Variants in NINL observed in about 807,000 individuals in gnomAD.
NINL encodes ninein like.
Under a neutral mutation model 160.3 loss-of-function variants are expected in NINL, and 153 were observed. The ratio of observed to expected loss-of-function variants is 0.95; its 90% confidence interval spans 0.84 to 1.09. NINL has a LOEUF of 1.09. NINL is among the 50% of genes least tolerant of loss of function. The probability of loss-of-function intolerance (pLI) is 0.00; values close to 1 mark genes in which losing one functional copy is unlikely to be tolerated. For synonymous variants in NINL, 800 were observed against 734.8 expected (o/e 1.09, Z -1.43); for missense variants, 1,829 against 1,764.0 (o/e 1.04, Z -0.66).
intron 2 of NINL, 111 bp from the exon 3 acceptor site, chr20:25,517,960 T>C: frequency 1.8e-6 from 1 of 571,200 alleles, no homozygotes; most frequent in Non-Finnish European, 3.0e-6. Flanking sequence ...TACTGCCTTT[T>C]AGAATGAGAA....
chr20:25,472,048 G>A (rs1041069727), intron 17 of NINL, among the ~76,000 whole-genome samples: 1 of 151,954 alleles, frequency 6.6e-6, no homozygotes, highest in Non-Finnish European at 1.5e-5. Flanking sequence ...CAATGAACAA[G>A]CAACAAGAAA....
At chr20:25,523,815 A>AT (rs2064306723) in intron 2 of NINL, among the ~76,000 whole-genome samples, 1 of 151,298 alleles carries the variant, frequency 6.6e-6, no homozygotes, top group Non-Finnish European at 1.5e-5. Context: ...CTAATTTTGT[A>AT]TTTTTATTAG....
intron 16 of NINL, among the ~76,000 whole-genome samples, chr20:25,477,672 C>T (rs1229483055): frequency 1.3e-5 from 2 of 152,160 alleles, no homozygotes; most frequent in Non-Finnish European, 2.9e-5. Flanking sequence ...GGAGGGCCTC[C>T]ACCTCCAAGC....
At chr20:25,493,460 C>T (rs1408953056) in intron 10 of NINL, among the ~76,000 whole-genome samples, 2 of 152,092 alleles carry the variant, frequency 1.3e-5, no homozygotes, top group East Asian at 1.9e-4. Flanking sequence ...AAGGAGGGGG[C>T]GTCCAGGGAG....
rs1291308921 is a variant in NINL, at chr20:25,458,393, T to C, written c.3833A>G (p.Asp1278Gly). 1.2e-6 allele frequency: 2 copies of C among 1,606,502 alleles called. No homozygotes were observed. The highest frequency in any genetic ancestry group is 3.3e-5 in the Admixed American group (2 of 60,012). Residue 1278 changes from aspartate (D) to glycine (G), a missense_variant, in exon 22 of 24, where the codon GAT (aspartate) becomes GGT (glycine). Transcript: ENST00000278886. ...TGCATCCCCACTTACCCGCTGTGCA[T>C]CCAGGCGCCTCCTGGCCTGCTCTCC... ...LQGEQARRRL[D>G]AQREEHEKQL...
rs10536325 is a variant in NINL, at chr20:25,571,867, G to GA, written c.-12+13587dup. Reference sequence around the variant, plus strand: ...TGGTCAAGAGAGTGAGACTCTGTCTGAAAAAAAAAAAAAAAAAAAAAAAAA... The same window carrying GA: ...TGGTCAAGAGAGTGAGACTCTGTCTGAAAAAAAAAAAAAAAAAAAAAAAAAA... On this transcript the variant is annotated intron_variant, in intron 1 of 23. Transcript: ENST00000278886. Among the ~76,000 whole-genome samples the GA allele has an allele frequency of 8.3e-3, 346 of 41,562 alleles. 20 individuals carry two copies. Among genetic ancestry groups the GA allele is most frequent in the African/African-American group, 0.022 (277 of 12,726 alleles). 27.3% of individuals were successfully genotyped at this position (41,562 alleles called of 152,430 possible). A position where few individuals can be genotyped will look rare whatever the true frequency, so the allele number is the denominator to read the frequency against.
intron 1 of NINL, among the ~76,000 whole-genome samples, chr20:25,563,466 T>C (rs890489246): frequency 7.9e-5 from 12 of 152,166 alleles, no homozygotes; most frequent in African/African-American, 9.7e-5. Context: ...CTGAGAAACA[T>C]TCAAGAAATC....
intron 10 of NINL, among the ~76,000 whole-genome samples, chr20:25,495,188 A>C (rs560020418): frequency 2.0e-5 from 3 of 152,272 alleles, no homozygotes; most frequent in African/African-American, 7.2e-5. Context: ...GGTTCACGAC[A>C]AAGATGCTCA....
At chr20:25,560,840 T>C (rs532392096) in intron 1 of NINL, among the ~76,000 whole-genome samples, 5 of 151,922 alleles carry the variant, frequency 3.3e-5, no homozygotes, top group Admixed American at 2.0e-4. Flanking sequence ...ACAACAAAGA[T>C]AGTAAAAATA....
At chr20:25,453,991 G>A (rs1046096140) in intron 23 of NINL, among the ~76,000 whole-genome samples, 11 of 152,088 alleles carry the variant, frequency 7.2e-5, no homozygotes, top group Admixed American at 2.6e-4. Flanking sequence ...GGTGGAGCTT[G>A]CAGTGAGCAG....
At chr20:25,455,939 T>C (rs1026889795) in intron 22 of NINL, among the ~76,000 whole-genome samples, 153 bp from the exon 23 acceptor site, 8 of 150,340 alleles carry the variant, frequency 5.3e-5, no homozygotes, top group Admixed American at 1.3e-4. Flanking sequence ...CTAAAAAAAA[T>C]AGAAAAATTA....
intron 15 of NINL, 24 bp from the exon 16 acceptor site, chr20:25,479,230 G>A (rs746988834): frequency 1.4e-5 from 22 of 1,580,874 alleles, no homozygotes; most frequent in African/African-American, 8.1e-5. Flanking sequence ...CATGAGCCCC[G>A]TGGACCAGGA....
At chr20:25,499,335 G>T (rs901508949) in intron 8 of NINL, 1 of 692,708 alleles carries the variant, frequency 1.4e-6, no homozygotes, top group African/African-American at 1.9e-5. Context: ...GGCAGAATTT[G>T]GCAATAATCT....
intron 21 of NINL, 42 bp downstream of exon 21, chr20:25,461,480 G>T: frequency 8.3e-7 from 1 of 1,209,446 alleles, no homozygotes; most frequent in Non-Finnish European, 1.2e-6. Context: ...CTGCTCCCAG[G>T]TGGGACTGGA....
chr20:25,469,999 A>G lies in NINL; in HGVS notation c.3345T>C (p.Asp1115=). The change falls in exon 18 of 24, where the codon GAT becomes GAC. Residue 1115 remains aspartate (D), a synonymous_variant. Coordinates refer to ENST00000278886, the MANE Select transcript of NINL (RefSeq NM_025176.6). ...QELEAAESTH[D]AQRKEIEVLK... is the part of the protein sequence containing the mutation. ...AGGGGCGTGGCCCTTACCTCTGTGC[A>G]TCGTGAGTACTTTCTGCAGCTTCAA... is the stretch of plus-strand genomic sequence containing the variant. 1 of 1,613,896 alleles carries G rather than the reference A, an allele frequency of 6.2e-7. No individual in the cohort carries two copies. The highest frequency in any genetic ancestry group is 8.5e-7 in the Non-Finnish European group (1 of 1,179,752).
At chr20:25,515,351 C>T (rs1263720790) in intron 3 of NINL, among the ~76,000 whole-genome samples, 3 of 152,228 alleles carry the variant, frequency 2.0e-5, no homozygotes, top group South Asian at 2.1e-4. Flanking sequence ...CCTTTTGGAA[C>T]AGGAACATTT....
In NINL at chr20:25,477,043, C is replaced by T; in HGVS notation, c.2248G>A (p.Ala750Thr). The T allele has an allele frequency of 6.3e-7, 1 of 1,598,670 alleles. No individual in the cohort carries two copies. Among genetic ancestry groups the T allele is most frequent in the East Asian group, 2.2e-5 (1 of 44,832 alleles). The change falls in exon 17 of 24, where the codon GCC becomes ACC. Residue 750 changes from alanine to threonine, a missense_variant. Ala to Thr is a moderately conservative substitution (Grantham distance 58, BLOSUM62 0). Transcript: ENST00000278886. ...ELSGELSGLG[A>T]LPARRDLTLE... ...GTCAGGTCTCTGCGAGCGGGCAGGGCTCCCAGCCCCGACAGCTCTCCACTC... is the reference window on the plus strand; with the variant it reads ...GTCAGGTCTCTGCGAGCGGGCAGGGTTCCCAGCCCCGACAGCTCTCCACTC...
chr20:25,502,516 G>A (rs1305907815), intron 7 of NINL, among the ~76,000 whole-genome samples: 1 of 152,182 alleles, frequency 6.6e-6, no homozygotes, highest in African/African-American at 2.4e-5. Context: ...ATCTTAGACA[G>A]ACTCGATGGA....
chr20:25,548,208 C>T (rs2064758872), intron 1 of NINL, among the ~76,000 whole-genome samples: 2 of 152,148 alleles, frequency 1.3e-5, no homozygotes, highest in South Asian at 4.1e-4. Flanking sequence ...AGCTGTGTGG[C>T]CGAGTCAAGC....
Sources: allele counts gnomAD v4.1 joint callset (sites outside exome capture counted in the v4.1 genomes callset), GRCh38; gene constraint gnomAD v4.1.1; transcripts MANE v1.5; gene names NCBI Gene and HGNC (gene_info 2026-07-23, HGNC 2026-07-21).